The following PIEZO2 variants were observed in gnomAD, a reference collection of about 807,000 sequenced individuals.
The protein encoded by PIEZO2 is piezo-type mechanosensitive ion channel component 2.
PIEZO2 carries 172 observed loss-of-function variants against 337.3 expected under a neutral mutation model. That is an observed-to-expected ratio of 0.51 (90% CI 0.45 to 0.58). The LOEUF (loss-of-function observed/expected upper bound fraction) is 0.58. Ranked by LOEUF, PIEZO2 falls within the 20% of genes least tolerant of loss-of-function variation. PIEZO2 has a pLI of 0.00. For synonymous variants in PIEZO2, 1,251 were observed against 1,228.5 expected (o/e 1.02, Z -0.38); for missense variants, 3,028 against 3,391.3 (o/e 0.89, Z 2.66).
rs1413815754 is a variant in PIEZO2, at chr18:10,888,124, A to C, written c.330-16709T>G. Among the ~76,000 whole-genome samples the C allele has an allele frequency of 1.3e-5, 2 of 152,200 alleles. No individual in the cohort carries two copies. Among genetic ancestry groups the C allele is most frequent in the East Asian group, 3.8e-4 (2 of 5,200 alleles). On this transcript the variant is annotated intron_variant, in intron 4 of 55. Coordinates refer to ENST00000674853, the MANE Select transcript of PIEZO2 (RefSeq NM_001378183.1). This position sits in a 1 kb window ranked among gnomAD's most constrained non-coding sequence, Gnocchi z 4.1. ...CCTAATGGTGGTCATTGATGCCCCT[A>C]AATATGAATTGGTATTTGGCTGCAA...
chr18:10,934,860 T>G (rs755263200), intron 3 of PIEZO2, among the ~76,000 whole-genome samples: 1 of 152,194 alleles, frequency 6.6e-6, no homozygotes, highest in Non-Finnish European at 1.5e-5. Flanking sequence ...TTACAAATAG[T>G]AACTCATTTT....
intron 18 of PIEZO2, among the ~76,000 whole-genome samples, chr18:10,778,723 T>C (rs2048633466): frequency 6.6e-6 from 1 of 152,182 alleles, no homozygotes; most frequent in African/African-American, 2.4e-5. Flanking sequence ...TTTTTGGTCA[T>C]TTGGGGTGAC....
In PIEZO2 at chr18:10,863,788, C is replaced by T. The variant is rs968359623; in HGVS notation, c.493-6577G>A. ...AACAATAATGGAGACTAGCCAAATA[C>T]AATTGACTGTTTAAAGGCTTTTTTC... is the stretch of plus-strand genomic sequence containing the variant. On this transcript the variant is annotated intron_variant, in intron 5 of 55. Transcript: ENST00000674853. The surrounding 1 kb of genome is among the most constrained non-coding windows in gnomAD (Gnocchi z 4.3). 7.9e-5 allele frequency among the ~76,000 whole-genome samples: 12 copies of T among 152,264 alleles called. No individual in the cohort carries two copies. The East Asian group carries it at 2.3e-3, about 29-fold the overall frequency.
intron 2 of PIEZO2, among the ~76,000 whole-genome samples, chr18:11,041,735 A>G (rs901243745): frequency 1.3e-5 from 2 of 152,214 alleles, no homozygotes; most frequent in Non-Finnish European, 2.9e-5. Context: ...AAAAATGTAA[A>G]TGAATGTAAA....
At chr18:11,141,497 G>A (rs374738855) in intron 1 of PIEZO2, among the ~76,000 whole-genome samples, 23 of 152,268 alleles carry the variant, frequency 1.5e-4, no homozygotes, top group Middle Eastern at 3.4e-3. Flanking sequence ...GCTGCGGGGC[G>A]CACAGAATGT....
intron 2 of PIEZO2, among the ~76,000 whole-genome samples, chr18:10,997,574 A>G (rs1012603330): frequency 1.3e-5 from 2 of 152,210 alleles, no homozygotes; most frequent in African/African-American, 4.8e-5. Context: ...ACAAACTACA[A>G]AAATTAATCA....
intron 3 of PIEZO2, among the ~76,000 whole-genome samples, chr18:10,916,673 T>A (rs1324716154): frequency 5.3e-5 from 8 of 151,998 alleles, no homozygotes; most frequent in African/African-American, 1.9e-4. Flanking sequence ...CCTCCACACC[T>A]CCCCACAAGG....
chr18:10,684,409 C>T (rs1156930062), intron 49 of PIEZO2, among the ~76,000 whole-genome samples: 1 of 149,968 alleles, frequency 6.7e-6, no homozygotes, highest in African/African-American at 2.5e-5. Flanking sequence ...TCGTGATCTG[C>T]CCGCCTCGGC....
chr18:10,708,586 C>T (rs2035684955), intron 39 of PIEZO2, 147 bp from the exon 40 acceptor site: 1 of 152,300 alleles, frequency 6.6e-6, no homozygotes. Flanking sequence ...CGCAGCGGGG[C>T]TCAGGGATGG....
At chr18:10,738,552 ACATTTTCATT>A (rs1173859279) in intron 33 of PIEZO2, 1 of 152,224 alleles carries the variant, frequency 6.6e-6, no homozygotes, top group Non-Finnish European at 1.5e-5. Context: ...ATGACAGAGC[ACATTTTCATT>A]CATGCCATCT....
At chr18:10,760,052 C>T (rs1476668978) in intron 24 of PIEZO2, 143 bp from the exon 25 acceptor site, 3 of 725,846 alleles carry the variant, frequency 4.1e-6, no homozygotes, top group Middle Eastern at 2.6e-4. Flanking sequence ...AATGCTTGCT[C>T]TTTTGAGTGT....
intron 1 of PIEZO2, among the ~76,000 whole-genome samples, chr18:11,068,360 A>T (rs1337225781): frequency 6.6e-6 from 1 of 152,256 alleles, no homozygotes; most frequent in Non-Finnish European, 1.5e-5. Flanking sequence ...AAAACTAGAA[A>T]TCAAAAACAG....
intron 33 of PIEZO2, chr18:10,739,496 T>A (rs1038767241): frequency 1.3e-5 from 2 of 152,234 alleles, no homozygotes; most frequent in Non-Finnish European, 2.9e-5. Flanking sequence ...GGTGGGAATT[T>A]ACCCCAGGTG....
intron 2 of PIEZO2, among the ~76,000 whole-genome samples, chr18:11,052,559 T>C (rs564119654): frequency 1.3e-5 from 2 of 152,284 alleles, no homozygotes; most frequent in East Asian, 3.9e-4. Flanking sequence ...TTTAGAGAAA[T>C]AAAAGCATCA....
Position 10,969,095 on chromosome 18 carries a change from C to T in PIEZO2, c.286+10440G>A, listed in dbSNP as rs538308181. ...TCTAGAATGTCATTACTATGCTTAG[C>T]CCAATTCTGCTGCTTTCAAATGCCT... On this transcript the variant is annotated intron_variant, in intron 3 of 55. Coordinates refer to ENST00000674853, the MANE Select transcript of PIEZO2 (RefSeq NM_001378183.1). This position sits in a 1 kb window ranked among gnomAD's most constrained non-coding sequence, Gnocchi z 4.5. Among the ~76,000 whole-genome samples the T allele has an allele frequency of 1.3e-5, 2 of 152,296 alleles. No individual in the cohort carries two copies. Among genetic ancestry groups the T allele is most frequent in the South Asian group, 4.1e-4 (2 of 4,830 alleles).
At chr18:10,884,756 T>C (rs2042524612) in intron 4 of PIEZO2, among the ~76,000 whole-genome samples, 1 of 152,138 alleles carries the variant, frequency 6.6e-6, no homozygotes, top group Non-Finnish European at 1.5e-5. Flanking sequence ...TTAATTTTAC[T>C]AAAAGAAGAT....
chr18:11,000,952 C>T (rs1005269088), intron 2 of PIEZO2, among the ~76,000 whole-genome samples: 5 of 152,160 alleles, frequency 3.3e-5, no homozygotes, highest in Non-Finnish European at 5.9e-5. Flanking sequence ...AAGCCCACCC[C>T]CAGCACTGAC....
At chr18:10,934,636 C>CGT (rs59190236) in intron 3 of PIEZO2, among the ~76,000 whole-genome samples, 23,766 of 130,594 alleles carry the variant, frequency 0.18, 2,165 homozygotes, top group Middle Eastern at 0.24. Context: ...ATTGTGTGTA[C>CGT]GTGTGTGTGT....
chr18:11,082,404 A>G (rs2865137), intron 1 of PIEZO2, among the ~76,000 whole-genome samples: 62,899 of 149,984 alleles, frequency 0.42, 14,248 homozygotes, highest in East Asian at 0.6. Flanking sequence ...TGCAAGCTCC[A>G]CCTCCCGGGT....
Sources: allele counts gnomAD v4.1 joint callset (sites outside exome capture counted in the v4.1 genomes callset), GRCh38; gene constraint gnomAD v4.1.1; non-coding constraint Gnocchi (gnomAD v3.1); transcripts MANE v1.5; gene names NCBI Gene and HGNC (gene_info 2026-07-23, HGNC 2026-07-21).